The following NOL4L variants were observed in gnomAD, a reference collection of about 807,000 sequenced individuals.
The protein encoded by NOL4L is nucleolar protein 4 like.
In NOL4L, 7 loss-of-function variants were observed where a neutral mutation model predicts 64.5. That is an observed-to-expected ratio of 0.11 (90% CI 0.06 to 0.20). The LOEUF (loss-of-function observed/expected upper bound fraction) is 0.20. NOL4L is among the 10% of genes least tolerant of loss of function. NOL4L has a pLI of 1.00. For missense variants in NOL4L, 680 were observed against 967.1 expected (o/e 0.70, Z 3.94); for synonymous variants, 413 against 401.0 (o/e 1.03, Z -0.36).
rs989449309 is a variant in NOL4L, at chr20:32,454,644, G to C, written c.1120-883C>G. 6.9e-4 allele frequency among the ~76,000 whole-genome samples: 105 copies of C among 152,368 alleles called. 1 individual carries two copies. The highest frequency in any genetic ancestry group is 2.4e-3 in the African/African-American group (99 of 41,598). On this transcript the variant is annotated intron_variant, in intron 6 of 10. Coordinates refer to ENST00000621426, the MANE Select transcript of NOL4L (RefSeq NM_001256798.2). Reference sequence around the variant, plus strand: ...CGGGGCACCGCTCTGGGACGGCTGAGGACCACTGTTGCCTTTCGGAAAGTT... The same window carrying C: ...CGGGGCACCGCTCTGGGACGGCTGACGACCACTGTTGCCTTTCGGAAAGTT...
At chr20:32,533,469 T>C (rs1011314457) in intron 1 of NOL4L, 2 of 152,188 alleles carry the variant, frequency 1.3e-5, no homozygotes, top group Admixed American at 6.5e-5. Context: ...GTCTCCATGA[T>C]TGAGCCAGGG....
intron 5 of NOL4L, among the ~76,000 whole-genome samples, chr20:32,468,705 C>CCT (rs1175201152): frequency 2.0e-5 from 3 of 151,992 alleles, no homozygotes; most frequent in Non-Finnish European, 4.4e-5. Flanking sequence ...TTCAGACCAG[C>CCT]CTGACCAACA....
At chr20:32,539,322 G>A (rs2018613202) in intron 1 of NOL4L, among the ~76,000 whole-genome samples, 1 of 152,238 alleles carries the variant, frequency 6.6e-6, no homozygotes, top group African/African-American at 2.4e-5. Context: ...CTGGGTGTCT[G>A]TTTTAGAACA....
chr20:32,470,596 T>A (rs1265320433), intron 5 of NOL4L, among the ~76,000 whole-genome samples: 1 of 152,218 alleles, frequency 6.6e-6, no homozygotes, highest in Non-Finnish European at 1.5e-5. Context: ...GGACAAAGTC[T>A]CTCAGGCATC....
At chr20:32,454,067 A>G (rs2013219191) in intron 6 of NOL4L, 2 of 363,406 alleles carry the variant, frequency 5.5e-6, no homozygotes, top group South Asian at 8.2e-5. Context: ...TTTCCTCAGC[A>G]GAGGCCAACA....
At chr20:32,509,662 G>A in intron 4 of NOL4L, 1 of 949,908 alleles carries the variant, frequency 1.1e-6, no homozygotes, top group Non-Finnish European at 1.4e-6. Context: ...CTAACCCATA[G>A]TCTTAACTCC....
intron 1 of NOL4L, among the ~76,000 whole-genome samples, chr20:32,544,434 C>T (rs1462599493): frequency 6.6e-6 from 1 of 152,080 alleles, no homozygotes; most frequent in Non-Finnish European, 1.5e-5. Flanking sequence ...GTGAGGGCCA[C>T]CTCCCACCTC....
At chr20:32,568,961 A>C (rs1568718774) in intron 1 of NOL4L, among the ~76,000 whole-genome samples, 1 of 152,202 alleles carries the variant, frequency 6.6e-6, no homozygotes, top group Non-Finnish European at 1.5e-5. Flanking sequence ...ACTGAGGCAC[A>C]AAATGGATAA....
chr20:32,463,200 G>T lies in NOL4L; in HGVS notation c.842-6805C>A, dbSNP rs2014248088. ...CGGGGTGCAGGCCTCCAGCTGGGAG[G>T]CTCAGTGGGAAGCTGGGAGTTCTGG... On this transcript the variant is annotated intron_variant, in intron 5 of 10. Transcript: ENST00000621426. The surrounding 1 kb of genome is among the most constrained non-coding windows in gnomAD (Gnocchi z 5.8). Among the ~76,000 whole-genome samples the T allele has an allele frequency of 6.6e-6, 1 of 152,234 alleles. No individual in the cohort carries two copies. Among genetic ancestry groups the T allele is most frequent in the Non-Finnish European group, 1.5e-5 (1 of 68,042 alleles).
intron 3 of NOL4L, 39 bp downstream of exon 3, chr20:32,520,772 G>T: frequency 7.7e-7 from 1 of 1,302,930 alleles, no homozygotes; most frequent in South Asian, 1.3e-5. Context: ...ACTCTTAGAT[G>T]GCCCCCGCCC....
At chr20:32,509,534 A>AG (rs2017294133) in intron 4 of NOL4L, among the ~76,000 whole-genome samples, 2 of 150,406 alleles carry the variant, frequency 1.3e-5, no homozygotes, top group African/African-American at 4.9e-5. Context: ...AAAAAAAAAA[A>AG]AAAAAAGAAA....
At chr20:32,518,841 G>A (rs1256531196) in intron 3 of NOL4L, among the ~76,000 whole-genome samples, 3 of 152,208 alleles carry the variant, frequency 2.0e-5, no homozygotes, top group Non-Finnish European at 4.4e-5. Flanking sequence ...ATGCTGTCTT[G>A]GCCCAGGGGT....
intron 1 of NOL4L, chr20:32,572,255 T>A (rs2145621168): frequency 6.6e-6 from 1 of 152,346 alleles, no homozygotes; most frequent in South Asian, 2.1e-4. Context: ...GAGATAAGGA[T>A]CCCAGCGGCC....
chr20:32,489,895 G>A (rs570833955), intron 4 of NOL4L, among the ~76,000 whole-genome samples: 4 of 152,052 alleles, frequency 2.6e-5, no homozygotes, highest in Non-Finnish European at 5.9e-5. Flanking sequence ...TTGCGAAGCC[G>A]AGGTGGGCAG....
intron 4 of NOL4L, among the ~76,000 whole-genome samples, chr20:32,476,237 G>A (rs1012836830): frequency 1.9e-4 from 14 of 72,650 alleles, no homozygotes; most frequent in East Asian, 5.6e-4. Flanking sequence ...ACACACACAC[G>A]TTCAAAAGGC....
At chr20:32,548,918 TCTAACATACTTATGCA>T (rs1360943394) in intron 1 of NOL4L, 1 of 401,286 alleles carries the variant, frequency 2.5e-6, no homozygotes, top group Non-Finnish European at 4.9e-6. Context: ...TTCTTTATGT[TCTAACATACTTATGCA>T]CTGACAGCAT....
intron 5 of NOL4L, among the ~76,000 whole-genome samples, chr20:32,473,922 G>A (rs2015203724): frequency 6.6e-6 from 1 of 152,180 alleles, no homozygotes; most frequent in Admixed American, 6.5e-5. Flanking sequence ...TAGATGCCAG[G>A]GTCCCAGAGC....
At chr20:32,532,629 AT>A (rs989802819) in intron 1 of NOL4L, among the ~76,000 whole-genome samples, 11 of 152,204 alleles carry the variant, frequency 7.2e-5, no homozygotes, top group African/African-American at 2.7e-4. Flanking sequence ...AGCCCCTGCC[AT>A]CCCCCTTCTG....
At chr20:32,498,371 T>C (rs986369014) in intron 4 of NOL4L, among the ~76,000 whole-genome samples, 1 of 150,756 alleles carries the variant, frequency 6.6e-6, no homozygotes, top group Non-Finnish European at 1.5e-5. Flanking sequence ...TAATGTCCCA[T>C]AACAAAAGAT....
Sources: allele counts gnomAD v4.1 joint callset (sites outside exome capture counted in the v4.1 genomes callset), GRCh38; gene constraint gnomAD v4.1.1; non-coding constraint Gnocchi (gnomAD v3.1); transcripts MANE v1.5; gene names NCBI Gene and HGNC (gene_info 2026-07-23, HGNC 2026-07-21).